RAD18: variants seen among roughly 807,000 people sequenced by gnomAD.
RAD18 encodes the protein E3 ubiquitin-protein ligase RAD18.
RAD18 carries 47 observed loss-of-function variants against 60.4 expected under a neutral mutation model. The ratio of observed to expected loss-of-function variants is 0.78; its 90% confidence interval spans 0.62 to 0.99. RAD18 has a LOEUF of 0.99. Among genes scored for constraint, RAD18 ranks in the 50% least tolerant of loss-of-function variants. The pLI, the probability that RAD18 is intolerant of heterozygous loss-of-function variation, is 0.00. For synonymous variants in RAD18, 225 were observed against 195.5 expected, an observed-to-expected ratio of 1.15 and a Z score of -1.26; for missense variants, 640 against 593.3, an observed-to-expected ratio of 1.08 and a Z score of -0.82.
chr3:8,893,779 C>G (rs1275619612), intron 11 of RAD18, among the ~76,000 whole-genome samples: 1 of 149,624 alleles, frequency 6.7e-6, no homozygotes, highest in East Asian at 2.0e-4. Flanking sequence ...CTACTGCAGC[C>G]TCAACCTCCT....
chr3:8,914,771 T>A (rs915685758), intron 7 of RAD18, among the ~76,000 whole-genome samples: 3 of 152,116 alleles, frequency 2.0e-5, no homozygotes, highest in African/African-American at 7.2e-5. Context: ...CAGGGACCAT[T>A]TGCATTCTAT....
rs537341870 is a variant in RAD18, at chr3:8,949,132, T to C, written c.134-562A>G. Among the ~76,000 whole-genome samples the C allele has an allele frequency of 6.6e-5, 10 of 152,316 alleles. No homozygotes were observed. In the South Asian group the frequency reaches 2.1e-3, roughly 32 times the overall value. On this transcript the variant is annotated intron_variant, in intron 2 of 12. Coordinates refer to ENST00000264926, the MANE Select transcript of RAD18 (RefSeq NM_020165.4). ...GCAATTACAGCATAATTCCGCATAA[T>C]ATATCCTAACAATTTAAGCAGGAAA...
chr3:8,915,391 A>G (rs1461622054), intron 7 of RAD18, among the ~76,000 whole-genome samples: 1 of 152,118 alleles, frequency 6.6e-6, no homozygotes, highest in Non-Finnish European at 1.5e-5. Context: ...GCCTTAGAAG[A>G]GAGAGGGATC....
At chr3:8,890,053 G>A in intron 12 of RAD18, 1 of 300,652 alleles carries the variant, frequency 3.3e-6, no homozygotes, top group Admixed American at 4.3e-5. Flanking sequence ...ATACCATCTA[G>A]GTAAGTATAC....
chr3:8,908,464 T>C (rs73019795), intron 9 of RAD18, among the ~76,000 whole-genome samples: 11,551 of 151,910 alleles, frequency 0.076, 519 homozygotes, highest in South Asian at 0.14. Flanking sequence ...TCAAGAGACA[T>C]AGGGAGAAGA....
At chr3:8,921,078 C>G (rs6782223) in intron 7 of RAD18, among the ~76,000 whole-genome samples, 11,763 of 151,970 alleles carry the variant, frequency 0.077, 1,440 homozygotes, top group African/African-American at 0.26. Flanking sequence ...TATTTTCAGG[C>G]AGTTAAAGAA....
At chr3:8,881,939 A>T (rs1423259769) in intron 12 of RAD18, among the ~76,000 whole-genome samples, 2 of 152,218 alleles carry the variant, frequency 1.3e-5, no homozygotes, top group African/African-American at 4.8e-5. Context: ...GCTGCCATAC[A>T]AACAGGTAAG....
In RAD18 at chr3:8,963,334, C is replaced by A. The variant is rs1340885740; in HGVS notation, c.51+1G>T. ...GCTCCCAAACTCCCCGAAGCACTCACCTTCATGACTGCCAGGCCCGGAGGC... is the reference window on the plus strand; with the variant it reads ...GCTCCCAAACTCCCCGAAGCACTCAACTTCATGACTGCCAGGCCCGGAGGC... On this transcript the variant is annotated splice_donor_variant, in intron 1 of 12. Transcript: ENST00000264926. LOFTEE classifies it high-confidence loss of function. The A allele has an allele frequency of 1.2e-6, 2 of 1,611,534 alleles. No individual in the cohort carries two copies. The highest frequency in any genetic ancestry group is 1.7e-6 in the Non-Finnish European group (2 of 1,178,900).
At chr3:8,943,971 T>G (rs1363123470) in intron 4 of RAD18, among the ~76,000 whole-genome samples, 1 of 151,770 alleles carries the variant, frequency 6.6e-6, no homozygotes, top group Non-Finnish European at 1.5e-5. Context: ...CAGATACTAG[T>G]GAAATAGAAG....
At chr3:8,881,737 C>T (rs142669631) in intron 12 of RAD18, among the ~76,000 whole-genome samples, 7 of 152,180 alleles carry the variant, frequency 4.6e-5, no homozygotes, top group South Asian at 2.1e-4. Flanking sequence ...TGGGAAAAAA[C>T]GGCAAACAAA....
intron 7 of RAD18, among the ~76,000 whole-genome samples, chr3:8,917,265 G>A (rs926343364): frequency 4.6e-5 from 7 of 152,098 alleles, no homozygotes; most frequent in Non-Finnish European, 7.4e-5. Flanking sequence ...TAAGCTGAGA[G>A]AAAGTATTAT....
chr3:8,895,386 C>T (rs921552653), intron 11 of RAD18, among the ~76,000 whole-genome samples: 1 of 152,214 alleles, frequency 6.6e-6, no homozygotes, highest in Non-Finnish European at 1.5e-5. Context: ...TAAGATACTT[C>T]ACTTCCAACT....
At chr3:8,889,051 A>C (rs45438100) in intron 12 of RAD18, among the ~76,000 whole-genome samples, 1 of 152,152 alleles carries the variant, frequency 6.6e-6, no homozygotes, top group East Asian at 1.9e-4. Context: ...CCAAAATCTC[A>C]AACTTACATA....
intron 4 of RAD18, among the ~76,000 whole-genome samples, chr3:8,943,863 T>C (rs1484049436): frequency 6.6e-6 from 1 of 152,082 alleles, no homozygotes; most frequent in Non-Finnish European, 1.5e-5. Flanking sequence ...GGAAAATTAT[T>C]GAAAATAGAA....
chr3:8,889,545 G>A (rs1448144833), intron 12 of RAD18, among the ~76,000 whole-genome samples: 1 of 152,152 alleles, frequency 6.6e-6, no homozygotes, highest in African/African-American at 2.4e-5. Context: ...CTGGATCCAG[G>A]AAGAACTTGA....
intron 1 of RAD18, among the ~76,000 whole-genome samples, chr3:8,961,265 G>A (rs1421015385): frequency 6.6e-6 from 1 of 152,150 alleles, no homozygotes; most frequent in Non-Finnish European, 1.5e-5. Context: ...AACAAAAAAT[G>A]ATGCCTGAAT....
chr3:8,886,274 G>A (rs1939563719), intron 12 of RAD18, among the ~76,000 whole-genome samples: 1 of 152,028 alleles, frequency 6.6e-6, no homozygotes, highest in South Asian at 2.1e-4. Flanking sequence ...CATTAATGTT[G>A]GCCAGTTGTT....
intron 7 of RAD18, among the ~76,000 whole-genome samples, chr3:8,918,282 C>T (rs956098720): frequency 1.5e-5 from 2 of 133,426 alleles, no homozygotes; most frequent in Non-Finnish European, 3.1e-5. Context: ...GGTGCCATTG[C>T]ACTCCAGCCT....
intron 7 of RAD18, among the ~76,000 whole-genome samples, chr3:8,933,138 C>G (rs1187660415): frequency 6.7e-6 from 1 of 149,920 alleles, no homozygotes; most frequent in Non-Finnish European, 1.5e-5. Flanking sequence ...AATAAATGCA[C>G]TACTGGTAAA....
Sources: gnomAD v4.1 joint callset for allele counts (sites outside exome capture counted in the v4.1 genomes callset) on GRCh38, gnomAD v4.1.1 for gene constraint, MANE v1.5 for transcripts, NCBI Gene and HGNC (gene_info 2026-07-23, HGNC 2026-07-21) for gene names.